Variants in MYL4 observed in about 807,000 individuals in gnomAD.
MYL4 encodes the protein myosin light chain 4.
A neutral mutation model predicts 21.6 loss-of-function variants in MYL4; 16 were observed. The observed-to-expected ratio is 0.74, with a 90% CI of 0.50 to 1.12. MYL4 has a LOEUF of 1.12. MYL4 is among the 50% of genes most tolerant of loss of function. The pLI, the probability that MYL4 is intolerant of heterozygous loss-of-function variation, is 0.00. For missense variants in MYL4, 249 were observed against 252.9 expected (o/e 0.98, Z 0.11); for synonymous variants, 82 against 95.7 (o/e 0.86, Z 0.83).
intron 4 of MYL4, 47 bp downstream of exon 4, chr17:47,221,902 G>A (rs761461316): frequency 1.9e-6 from 3 of 1,585,528 alleles, no homozygotes; most frequent in African/African-American, 1.3e-5. Flanking sequence ...GGAATGGAGG[G>A]GTGGGAGGTG....
At chr17:47,189,450 G>T in the MYL4 span, 1 of 543,102 alleles carries the variant, frequency 1.8e-6, no homozygotes. Flanking sequence ...ATTACCGGAA[G>T]CTACCGAGTC....
intron 2 of MYL4, among the ~76,000 whole-genome samples, chr17:47,214,957 A>C (rs555274374): frequency 6.6e-6 from 1 of 152,238 alleles, no homozygotes; most frequent in Non-Finnish European, 1.5e-5. Context: ...AATCAAGACT[A>C]TATTGATAGG....
At chr17:47,218,479 T>A (rs1344097282) in intron 2 of MYL4, among the ~76,000 whole-genome samples, 1 of 152,172 alleles carries the variant, frequency 6.6e-6, no homozygotes, top group East Asian at 1.9e-4. Context: ...AATGAATTGG[T>A]TGAATCCCAA....
upstream of MYL4, among the ~76,000 whole-genome samples, chr17:47,198,726 C>G (rs1277721291): frequency 6.6e-6 from 1 of 152,044 alleles, no homozygotes; most frequent in Non-Finnish European, 1.5e-5. Flanking sequence ...GTAGCTCACG[C>G]CTGTGATCCC....
At chr17:47,191,239 G>A in the MYL4 span, among the ~76,000 whole-genome samples, 9 of 152,130 alleles carry the variant, frequency 5.9e-5, no homozygotes, top group Non-Finnish European at 8.8e-5. Flanking sequence ...CACAAAGGGC[G>A]TGTGCCATGG....
intron 2 of MYL4, among the ~76,000 whole-genome samples, chr17:47,219,612 G>A (rs7217660): frequency 1.3e-5 from 2 of 152,076 alleles, no homozygotes; most frequent in African/African-American, 2.4e-5. Context: ...GAGCTCAAGC[G>A]ATTCTCGGGC....
intron 3 of MYL4, among the ~76,000 whole-genome samples, chr17:47,220,270 G>A (rs1555567835): frequency 6.6e-6 from 1 of 152,232 alleles, no homozygotes; most frequent in Non-Finnish European, 1.5e-5. Flanking sequence ...GCCTGGGCTT[G>A]TTTCCCTCAC....
At position 47,219,905 on chromosome 17, in the gene MYL4, G is replaced by T; in HGVS notation, c.165G>T (p.Glu55Asp). 1 of 1,614,236 alleles carries T rather than the reference G, an allele frequency of 6.2e-7. No homozygotes were observed. Among genetic ancestry groups the T allele is most frequent in the Non-Finnish European group, 8.5e-7 (1 of 1,180,040 alleles). The change falls in exon 3 of 7, where the codon GAG becomes GAT. Residue 55 changes from glutamate to aspartate, a missense_variant and splice_region_variant. Transcript: ENST00000393450. Reference protein sequence around the residue: ...KIDFTADQIEEFKEAFSLFDR... With the variant: ...KIDFTADQIEDFKEAFSLFDR... ...TATAGCTGGGTCTTCTCTCCACAGA[G>T]TTCAAAGAGGCCTTTTCATTGTTTG...
intron 2 of MYL4, among the ~76,000 whole-genome samples, chr17:47,218,979 G>C (rs8078960): frequency 0.016 from 2,373 of 152,280 alleles, 55 homozygotes; most frequent in African/African-American, 0.054. Flanking sequence ...ACAATTTGTC[G>C]ATTCCCTTAC....
chr17:47,197,199 T>C (rs187243546), upstream of MYL4, among the ~76,000 whole-genome samples: 1 of 150,372 alleles, frequency 6.7e-6, no homozygotes, highest in Admixed American at 6.7e-5. Context: ...CCCGGGTTCA[T>C]GTCATTCTCC....
At chr17:47,215,461 C>T (rs2064806638) in intron 2 of MYL4, among the ~76,000 whole-genome samples, 1 of 151,980 alleles carries the variant, frequency 6.6e-6, no homozygotes, top group African/African-American at 2.4e-5. Context: ...TTAATTTTAC[C>T]CCAGCGATCT....
chr17:47,222,561 T>A, intron 5 of MYL4, 104 bp downstream of exon 5: 4 of 992,180 alleles, frequency 4.0e-6, no homozygotes, highest in Non-Finnish European at 6.1e-6. Flanking sequence ...CTGAGGTGGG[T>A]TTTTGTAGAC....
upstream of MYL4, among the ~76,000 whole-genome samples, chr17:47,198,948 T>G (rs983783373): frequency 7.9e-5 from 12 of 151,590 alleles, no homozygotes; most frequent in Middle Eastern, 6.8e-3. Flanking sequence ...ATTATAGCAC[T>G]GTATGGCCAG....
chr17:47,198,087 G>C (rs1370050223), upstream of MYL4, among the ~76,000 whole-genome samples: 1 of 152,180 alleles, frequency 6.6e-6, no homozygotes, highest in Non-Finnish European at 1.5e-5. Context: ...AGGATTATGT[G>C]CATTGGAGGA....
chr17:47,191,032 C>G, the MYL4 span, among the ~76,000 whole-genome samples: 1 of 152,236 alleles, frequency 6.6e-6, no homozygotes, highest in Non-Finnish European at 1.5e-5. Flanking sequence ...ACACTGGCCT[C>G]TTATGAGTCA....
chr17:47,227,004 G>A (rs147018378), downstream of MYL4, among the ~76,000 whole-genome samples: 1,020 of 152,174 alleles, frequency 6.7e-3, 21 homozygotes, highest in African/African-American at 0.023. Context: ...ACAGGTGCGC[G>A]CCACCACACC....
chr17:47,191,637 A>C, the MYL4 span, among the ~76,000 whole-genome samples: 1 of 151,968 alleles, frequency 6.6e-6, no homozygotes, highest in African/African-American at 2.4e-5. Flanking sequence ...CGCCCGGTTA[A>C]TTTTTGTATT....
At chr17:47,209,693 A>G (rs770498031) in intron 1 of MYL4, 136 bp downstream of exon 1, 1 of 1,335,384 alleles carries the variant, frequency 7.5e-7, no homozygotes, top group Non-Finnish European at 1.1e-6. Context: ...TCGCAGTCCC[A>G]TGGGGCAGTG....
At chr17:47,200,343 G>A (rs549896641), upstream of MYL4, 1 of 152,240 alleles carries the variant, frequency 6.6e-6, no homozygotes, top group Admixed American at 6.5e-5. Flanking sequence ...CATGCTGTGG[G>A]TTCCAGGGCC....
Sources: allele counts gnomAD v4.1 joint callset (sites outside exome capture counted in the v4.1 genomes callset), GRCh38; gene constraint gnomAD v4.1.1; transcripts MANE v1.5; gene names NCBI Gene and HGNC (gene_info 2026-07-23, HGNC 2026-07-21).